The following SUGCT variants were observed in gnomAD, a reference collection of about 807,000 sequenced individuals.
SUGCT encodes the protein succinyl-CoA:glutarate-CoA transferase, also known as succinyl-CoA:glutarate CoA-transferase.
In SUGCT, 41 loss-of-function variants were observed where a neutral mutation model predicts 55.0. The ratio of observed to expected loss-of-function variants is 0.74; its 90% CI spans 0.58 to 0.97. The LOEUF is 0.97. SUGCT is among the 50% of genes least tolerant of loss of function. SUGCT has a pLI of 0.00. For missense variants in SUGCT, 568 were observed against 547.8 expected (o/e 1.04, Z -0.37); for synonymous variants, 187 against 200.4 (o/e 0.93, Z 0.56).
At chr7:40,393,225 G>A (rs990329237) in intron 9 of SUGCT, among the ~76,000 whole-genome samples, 3 of 152,152 alleles carry the variant, frequency 2.0e-5, no homozygotes, top group African/African-American at 7.2e-5. Context: ...ACCCACAGAA[G>A]ACACAGAACA....
intron 12 of SUGCT, among the ~76,000 whole-genome samples, chr7:40,648,230 C>T (rs1052850572): frequency 1.3e-5 from 2 of 152,090 alleles, no homozygotes; most frequent in Admixed American, 6.6e-5. Context: ...TATATACATA[C>T]ATAATTAGCA....
chr7:40,458,228 C>T (rs764089895), intron 10 of SUGCT, among the ~76,000 whole-genome samples: 3 of 152,156 alleles, frequency 2.0e-5, no homozygotes, highest in Admixed American at 6.5e-5. Flanking sequence ...TTCTGTAGGC[C>T]GCATGGCCTG....
chr7:40,431,422 G>A, intron 9 of SUGCT, among the ~76,000 whole-genome samples: 1 of 152,016 alleles, frequency 6.6e-6, no homozygotes, highest in African/African-American at 2.4e-5. Flanking sequence ...GCTATTTGGG[G>A]TCTTTTATGG....
At chr7:40,774,150 T>C (rs576050201) in intron 13 of SUGCT, among the ~76,000 whole-genome samples, 1 of 152,188 alleles carries the variant, frequency 6.6e-6, no homozygotes, top group Non-Finnish European at 1.5e-5. Context: ...AGCTTATGAT[T>C]ATTTCCAAGT....
At chr7:40,840,144 C>T (rs1793200838) in intron 13 of SUGCT, among the ~76,000 whole-genome samples, 1 of 152,130 alleles carries the variant, frequency 6.6e-6, no homozygotes, top group South Asian at 2.1e-4. Context: ...CCTGGCCTTA[C>T]ACATACTAAA....
rs148608565 is a variant in SUGCT at position 40,135,631 on chromosome 7, C to G, written c.100+511C>G. On this transcript the variant is annotated intron_variant, in intron 1 of 13. Transcript: ENST00000335693. Reference sequence around the variant, plus strand: ...CTCTGAATTTGGGAATGGTAATCCACTATGAATCTTTTTTTTCCTTTTTTC... The same window carrying G: ...CTCTGAATTTGGGAATGGTAATCCAGTATGAATCTTTTTTTTCCTTTTTTC... Among the ~76,000 whole-genome samples the G allele has an allele frequency of 4.0e-3, 604 of 152,336 alleles. 4 individuals are homozygous for G. Among genetic ancestry groups the G allele is most frequent in the African/African-American group, 0.014 (568 of 41,586 alleles).
At chr7:41,017,589 T>A in the SUGCT span, among the ~76,000 whole-genome samples, 1 of 151,900 alleles carries the variant, frequency 6.6e-6, no homozygotes, top group Admixed American at 6.6e-5. Context: ...GCTAACACAA[T>A]GAAACCCCGT....
the SUGCT span, among the ~76,000 whole-genome samples, chr7:40,873,393 C>T: frequency 0.019 from 2,912 of 152,284 alleles, 206 homozygotes; most frequent in South Asian, 0.16. Context: ...CTAGAAGATA[C>T]GCAATGGGAA....
At chr7:40,966,810 A>T in the SUGCT span, 18 of 152,240 alleles carry the variant, frequency 1.2e-4, no homozygotes, top group Admixed American at 2.6e-4. Context: ...AAAGTGACTT[A>T]AACATAGAGG....
chr7:40,422,591 T>C (rs1202297082), intron 9 of SUGCT, among the ~76,000 whole-genome samples: 1 of 152,184 alleles, frequency 6.6e-6, no homozygotes, highest in Non-Finnish European at 1.5e-5. Context: ...TTTTACTCTT[T>C]CCAGGACATT....
intron 3 of SUGCT, among the ~76,000 whole-genome samples, chr7:40,184,990 G>A (rs1387008125): frequency 6.6e-6 from 1 of 152,158 alleles, no homozygotes; most frequent in Admixed American, 6.6e-5. Context: ...AAGATTCTCT[G>A]ATGAGCATGG....
At chr7:40,204,493 AG>A (rs1413871378) in intron 6 of SUGCT, among the ~76,000 whole-genome samples, 1 of 151,836 alleles carries the variant, frequency 6.6e-6, no homozygotes, top group Non-Finnish European at 1.5e-5. Context: ...TAGTAGAGAC[AG>A]GGTTTCACTG....
At chr7:40,394,685 C>T (rs956214745) in intron 9 of SUGCT, among the ~76,000 whole-genome samples, 1 of 152,254 alleles carries the variant, frequency 6.6e-6, no homozygotes, top group African/African-American at 2.4e-5. Context: ...AGTGCTTCCT[C>T]TGCTTCCTCC....
chr7:40,233,289 A>G (rs2150864916), intron 6 of SUGCT, among the ~76,000 whole-genome samples: 1 of 152,094 alleles, frequency 6.6e-6, no homozygotes, highest in African/African-American at 2.4e-5. Flanking sequence ...GCACGATCTC[A>G]GCTCACTGCA....
At chr7:40,656,615 T>C (rs1023499186) in intron 12 of SUGCT, among the ~76,000 whole-genome samples, 3 of 152,234 alleles carry the variant, frequency 2.0e-5, no homozygotes, top group Non-Finnish European at 4.4e-5. Flanking sequence ...CTCCTTGACC[T>C]TTCTTAAAAC....
intron 9 of SUGCT, among the ~76,000 whole-genome samples, chr7:40,403,093 A>C (rs1199233170): frequency 1.3e-5 from 2 of 152,106 alleles, no homozygotes; most frequent in African/African-American, 4.8e-5. Context: ...TCCTATCTTT[A>C]TTCTTATATT....
intron 6 of SUGCT, among the ~76,000 whole-genome samples, chr7:40,208,630 C>T (rs1403670253): frequency 1.3e-5 from 2 of 151,918 alleles, no homozygotes; most frequent in Admixed American, 6.6e-5. Flanking sequence ...CTGCAACCTC[C>T]GCCTCCCGGG....
the SUGCT span, among the ~76,000 whole-genome samples, chr7:41,027,370 G>C: frequency 5.9e-5 from 9 of 152,324 alleles, no homozygotes; most frequent in African/African-American, 2.2e-4. Flanking sequence ...AAGGGATGTG[G>C]TTGCTCTTCT....
At chr7:40,996,596 C>T in the SUGCT span, among the ~76,000 whole-genome samples, 1 of 152,124 alleles carries the variant, frequency 6.6e-6, no homozygotes, top group Non-Finnish European at 1.5e-5. Context: ...ATTGCCACAC[C>T]GTCCATGCCA....
Sources: allele counts gnomAD v4.1 joint callset (sites outside exome capture counted in the v4.1 genomes callset), GRCh38; gene constraint gnomAD v4.1.1; transcripts MANE v1.5; gene names NCBI Gene and HGNC (gene_info 2026-07-23, HGNC 2026-07-21).